The following RBMS3 variants were observed in gnomAD, a reference collection of about 807,000 sequenced individuals.
RBMS3 encodes RNA binding motif single stranded interacting protein 3, also known as RNA-binding motif, single-stranded-interacting protein 3.
In RBMS3, 27 loss-of-function variants were observed where a neutral mutation model predicts 66.8. The observed-to-expected ratio is 0.40, with a 90% CI of 0.30 to 0.56. The LOEUF is 0.56. Ranked by LOEUF, RBMS3 falls within the 20% of genes least tolerant of loss-of-function variation. The pLI is 0.40. For missense variants in RBMS3, 513 were observed against 549.5 expected (o/e 0.93, Z 0.66); for synonymous variants, 188 against 183.0 (o/e 1.03, Z -0.22).
intron 6 of RBMS3, among the ~76,000 whole-genome samples, chr3:29,846,590 A>G (rs1405670860): frequency 6.6e-6 from 1 of 152,196 alleles, no homozygotes; most frequent in Non-Finnish European, 1.5e-5. Flanking sequence ...ACTGCTTGTT[A>G]TGAATGCTAT....
chr3:29,860,749 G>A (rs1347504804), intron 6 of RBMS3, among the ~76,000 whole-genome samples: 1 of 152,162 alleles, frequency 6.6e-6, no homozygotes. Context: ...AAATGCTCCT[G>A]AGTTTCATTA....
At chr3:29,702,300 G>C (rs1213818397) in intron 4 of RBMS3, among the ~76,000 whole-genome samples, 1 of 152,022 alleles carries the variant, frequency 6.6e-6, no homozygotes, top group Non-Finnish European at 1.5e-5. Flanking sequence ...TGTGGACTTG[G>C]AGAACTTTTG....
intron 4 of RBMS3, among the ~76,000 whole-genome samples, chr3:29,664,394 C>T (rs1328703180): frequency 6.6e-6 from 1 of 151,762 alleles, no homozygotes; most frequent in Non-Finnish European, 1.5e-5. Flanking sequence ...AGGCTGAGGC[C>T]AGAGAATCGC....
intron 7 of RBMS3, among the ~76,000 whole-genome samples, chr3:29,879,115 C>T (rs7635446): frequency 1.8e-3 from 268 of 152,088 alleles, no homozygotes; most frequent in African/African-American, 5.9e-3. Context: ...TGTTATACTA[C>T]GCCAGTATTT....
chr3:29,400,029 T>A (rs2039738067), intron 1 of RBMS3, among the ~76,000 whole-genome samples: 1 of 152,132 alleles, frequency 6.6e-6, no homozygotes, highest in Non-Finnish European at 1.5e-5. Context: ...AAAGGTGTTG[T>A]AGATGCAGAA....
chr3:29,406,627 C>A (rs1264195386), intron 1 of RBMS3, among the ~76,000 whole-genome samples: 1 of 152,206 alleles, frequency 6.6e-6, no homozygotes, highest in African/African-American at 2.4e-5. Context: ...GCACACATAT[C>A]ATGAGCCAAG....
At chr3:29,997,493 G>A (rs542520532) in intron 14 of RBMS3, among the ~76,000 whole-genome samples, 4 of 148,998 alleles carry the variant, frequency 2.7e-5, no homozygotes, top group African/African-American at 7.6e-5. Context: ...CGATATCCTT[G>A]ATGAACATTG....
At chr3:29,690,230 G>T (rs186742131) in intron 4 of RBMS3, among the ~76,000 whole-genome samples, 10 of 152,132 alleles carry the variant, frequency 6.6e-5, no homozygotes, top group African/African-American at 2.4e-4. Context: ...TGGGAGGATT[G>T]CTTGAGCCCA....
chr3:29,353,234 C>A (rs7427438), intron 1 of RBMS3, among the ~76,000 whole-genome samples: 51,987 of 151,472 alleles, frequency 0.34, 9,043 homozygotes, highest in African/African-American at 0.4. Flanking sequence ...AGAGCAGTAT[C>A]AAATTATGGC....
chr3:29,609,286 A>C (rs1212711185), intron 4 of RBMS3, among the ~76,000 whole-genome samples: 2 of 151,986 alleles, frequency 1.3e-5, no homozygotes, highest in African/African-American at 2.4e-5. Flanking sequence ...CCATATGTAG[A>C]GGTGACAACT....
chr3:29,825,028 C>G (rs1237971917), intron 6 of RBMS3, among the ~76,000 whole-genome samples: 2 of 150,760 alleles, frequency 1.3e-5, no homozygotes, highest in African/African-American at 2.4e-5. Context: ...TTAGGGTAAA[C>G]TATATCATCA....
At chr3:29,556,270 C>T (rs1456012756) in intron 3 of RBMS3, 1 of 152,134 alleles carries the variant, frequency 6.6e-6, no homozygotes, top group Non-Finnish European at 1.5e-5. Context: ...TAATTAGCTT[C>T]CCATGTCTCT....
At chr3:29,285,141 A>G (rs2125412099) in intron 1 of RBMS3, among the ~76,000 whole-genome samples, 1 of 149,976 alleles carries the variant, frequency 6.7e-6, no homozygotes, top group East Asian at 2.0e-4. Context: ...TAAGTATTTT[A>G]TCACCCTTTC....
chr3:29,642,120 T>G (rs912827738), intron 4 of RBMS3, among the ~76,000 whole-genome samples: 3 of 152,074 alleles, frequency 2.0e-5, no homozygotes, highest in African/African-American at 7.2e-5. Context: ...ATTTTACAAC[T>G]TTCTGCGATC....
intron 6 of RBMS3, among the ~76,000 whole-genome samples, chr3:29,805,219 G>A (rs1411062725): frequency 6.6e-6 from 1 of 151,930 alleles, no homozygotes; most frequent in Non-Finnish European, 1.5e-5. Context: ...CTAGCACAAT[G>A]CTCTGCTTAC....
At chr3:29,812,840 G>A (rs896771487) in intron 6 of RBMS3, among the ~76,000 whole-genome samples, 4 of 152,070 alleles carry the variant, frequency 2.6e-5, no homozygotes, top group Non-Finnish European at 5.9e-5. Context: ...TGAGATGGTA[G>A]AACATATAAA....
At chr3:29,685,119 C>T (rs1179071788) in intron 4 of RBMS3, among the ~76,000 whole-genome samples, 2 of 152,082 alleles carry the variant, frequency 1.3e-5, no homozygotes, top group Non-Finnish European at 2.9e-5. Context: ...AGTGCAGTGG[C>T]GCGATCTCGG....
intron 12 of RBMS3, among the ~76,000 whole-genome samples, chr3:29,986,915 T>C (rs1024332996): frequency 9.2e-5 from 14 of 152,130 alleles, no homozygotes; most frequent in African/African-American, 2.9e-4. Context: ...TGCACTCCAT[T>C]CTGGGCAACA....
chr3:29,732,918 A>G (rs1263127639), intron 4 of RBMS3, among the ~76,000 whole-genome samples: 4 of 152,034 alleles, frequency 2.6e-5, no homozygotes, highest in Non-Finnish European at 5.9e-5. Context: ...AAGTCAAACA[A>G]TATCCCTTAT....
Sources: allele counts gnomAD v4.1 joint callset (sites outside exome capture counted in the v4.1 genomes callset), GRCh38; gene constraint gnomAD v4.1.1; transcripts MANE v1.5; gene names NCBI Gene and HGNC (gene_info 2026-07-23, HGNC 2026-07-21).